LYST: variants seen among roughly 807,000 people sequenced by gnomAD.
The protein encoded by LYST is lysosomal-trafficking regulator.
In LYST, 192 loss-of-function variants were observed where a neutral mutation model predicts 413.6. The observed-to-expected ratio is 0.46, with a 90% CI of 0.41 to 0.52. The LOEUF is 0.52. Among genes scored for constraint, LYST ranks in the 20% least tolerant of loss-of-function variants. LYST has a pLI of 0.00. For synonymous variants in LYST, 1,525 were observed against 1,567.3 expected (o/e 0.97, Z 0.64); for missense variants, 3,815 against 4,499.9 (o/e 0.85, Z 4.35).
At chr1:235,717,558 C>T (rs1662955952) in intron 40 of LYST, among the ~76,000 whole-genome samples, 1 of 152,160 alleles carries the variant, frequency 6.6e-6, no homozygotes, top group African/African-American at 2.4e-5. Context: ...TGAAGAAGGG[C>T]AGGCTCTTTT....
intron 1 of LYST, among the ~76,000 whole-genome samples, chr1:235,853,959 G>A (rs1379174755): frequency 6.6e-6 from 1 of 152,068 alleles, no homozygotes; most frequent in East Asian, 1.9e-4. Context: ...CTGAGATATT[G>A]TAGCTATAGA....
intron 50 of LYST, among the ~76,000 whole-genome samples, chr1:235,673,854 A>C (rs74148742): frequency 0.055 from 8,369 of 152,302 alleles, 783 homozygotes; most frequent in African/African-American, 0.19. Flanking sequence ...AGCCATAACA[A>C]CTGGGTACCA....
chr1:235,792,398 T>G (rs1671100435), intron 11 of LYST, among the ~76,000 whole-genome samples: 1 of 151,890 alleles, frequency 6.6e-6, no homozygotes, highest in East Asian at 1.9e-4. Context: ...CACTGCAACC[T>G]CCGCCTCCCA....
intron 4 of LYST, 63 bp from the exon 5 acceptor site, chr1:235,810,597 T>C (rs1223578516): frequency 7.1e-7 from 1 of 1,414,856 alleles, no homozygotes; most frequent in African/African-American, 1.4e-5. Flanking sequence ...AATTTTAAGG[T>C]GACAGCCCTC....
At position 235,809,548 on chromosome 1, in the gene LYST, A is replaced by G; in HGVS notation, c.1270T>C (p.Phe424Leu). ...CCLQSAASNP[F>L]YFSQAMDLVQ... is the part of the protein sequence containing the mutation. ...AAATCCATGGCTTGACTGAAGTAGA[A>G]GGGATTTGAAGCTGCACTTTGAAGA... Residue 424 changes from phenylalanine to leucine, a missense_variant, in exon 5 of 53, where the codon TTC (phenylalanine) becomes CTC (leucine). Phe to Leu is a conservative substitution (Grantham distance 22). Around this residue, in one of 4 missense-constraint regions of LYST, gnomAD observed 1,648 missense variants for 1,810.3 expected, o/e 0.91. Transcript: ENST00000389793. This position sits in a 1 kb window ranked among gnomAD's most constrained non-coding sequence, Gnocchi z 4.0. 3 of 1,614,084 alleles carry G rather than the reference A, an allele frequency of 1.9e-6. No homozygotes were observed. Among genetic ancestry groups the G allele is most frequent in the Non-Finnish European group, 2.5e-6 (3 of 1,179,972 alleles).
chr1:235,860,424 T>C (rs1679729887), intron 1 of LYST, among the ~76,000 whole-genome samples: 1 of 152,218 alleles, frequency 6.6e-6, no homozygotes, highest in African/African-American at 2.4e-5. Flanking sequence ...TCGACAAATG[T>C]ATAATAACAT....
At position 235,702,825 on chromosome 1, in the gene LYST, C is replaced by A; in HGVS notation, c.10296G>T (p.Glu3432Asp). 1 of 1,614,188 alleles carries A rather than the reference C, an allele frequency of 6.2e-7. No homozygotes were observed. Among genetic ancestry groups the A allele is most frequent in the Non-Finnish European group, 8.5e-7 (1 of 1,180,030 alleles). ...RPGAKLNIEGELPAAVGLLVQ... is the reference protein window; with the variant it reads ...RPGAKLNIEGDLPAAVGLLVQ... ...CTAGCAACCCCACAGCAGCTGGAAG[C>A]TCTCCTTCAATATTGAGCTTGGCTC... The change falls in exon 45 of 53, where the codon GAG becomes GAT. Residue 3432 changes from glutamate to aspartate, a missense_variant. Physicochemically the swap from Glu to Asp is conservative, Grantham distance 45. This residue lies in a region of LYST where 866 missense variants were observed against 1,156.0 expected (regional missense o/e 0.75). Coordinates refer to ENST00000389793, the MANE Select transcript of LYST (RefSeq NM_000081.4).
Position 235,757,228 on chromosome 1 carries a change from C to T in LYST, c.7059+53G>A, listed in dbSNP as rs1158892818. The T allele has an allele frequency of 2.4e-6, 3 of 1,248,168 alleles. 1 individual carries two copies. The South Asian group carries it at 4.2e-5, about 17-fold the overall frequency. 77.3% of individuals were successfully genotyped at this position (1,248,168 alleles called of 1,614,324 possible). On this transcript the variant is annotated intron_variant, in intron 24 of 52. Coordinates refer to ENST00000389793, the MANE Select transcript of LYST (RefSeq NM_000081.4). ...TGTATATACTCAAAATTTTAAATTA[C>T]ATATATATTTATTTTTCTGAATTAA...
chr1:235,692,312 G>A lies in LYST; in HGVS notation c.10701+1038C>T, dbSNP rs576713659. ...CACACCACTGTACTCCAGCCTGGGCGATGGAGCGAGACTTCATCTCATAAC... is the reference window on the plus strand; with the variant it reads ...CACACCACTGTACTCCAGCCTGGGCAATGGAGCGAGACTTCATCTCATAAC... On this transcript the variant is annotated intron_variant, in intron 47 of 52. Transcript: ENST00000389793. 8.6e-5 allele frequency among the ~76,000 whole-genome samples: 13 copies of A among 151,286 alleles called. No individual in the cohort carries two copies. The East Asian group carries it at 2.6e-3, about 31-fold the overall frequency.
chr1:235,782,719 C>T (rs979708721), intron 14 of LYST, among the ~76,000 whole-genome samples: 1 of 152,158 alleles, frequency 6.6e-6, no homozygotes, highest in African/African-American at 2.4e-5. Flanking sequence ...ACCACCTCCC[C>T]TTAATTTTGC....
At chr1:235,748,776 T>C (rs892395370) in intron 28 of LYST, among the ~76,000 whole-genome samples, 1 of 152,180 alleles carries the variant, frequency 6.6e-6, no homozygotes, top group African/African-American at 2.4e-5. Context: ...AAGGTCTAGA[T>C]GTAATGACGG....
chr1:235,687,053 A>C lies in LYST; in HGVS notation c.10702-6T>G. On this transcript the variant is annotated splice_region_variant and splice_polypyrimidine_tract_variant and intron_variant, in intron 47 of 52. Transcript: ENST00000389793. ...ACCCAAGCACAACTAGTCACCTTTG[A>C]AAAAGGACCAATCAAAGATTATCAT... The C allele has an allele frequency of 6.4e-7, 1 of 1,572,400 alleles. No individual in the cohort carries two copies. The highest frequency in any genetic ancestry group is 1.7e-5 in the Admixed American group (1 of 59,976).
Position 235,808,678 on chromosome 1 carries a change from G to A in LYST, c.2140C>T (p.His714Tyr). ...DRLHSIQIAN[H>Y]ICNLIQKGNI... Reference sequence around the variant, plus strand: ...CCTTTCTGGATTAAATTGCAAATGTGATTTGCAATCTGTATACTATGTAAT... The same window carrying A: ...CCTTTCTGGATTAAATTGCAAATGTAATTTGCAATCTGTATACTATGTAAT... The change falls in exon 5 of 53, where the codon CAC becomes TAC. Residue 714 changes from histidine to tyrosine, a missense_variant. Transcript: ENST00000389793. 6.2e-7 allele frequency: 1 copy of A among 1,611,622 alleles called. No homozygotes were observed. Among genetic ancestry groups the A allele is most frequent in the South Asian group, 1.1e-5 (1 of 91,034 alleles).
intron 44 of LYST, among the ~76,000 whole-genome samples, chr1:235,703,346 G>C (rs1345893646): frequency 8.5e-5 from 13 of 152,190 alleles, no homozygotes; most frequent in Non-Finnish European, 1.5e-5. Flanking sequence ...GATAGTTGAA[G>C]AGATAATTAT....
chr1:235,845,204 A>G (rs1677672799), intron 1 of LYST, among the ~76,000 whole-genome samples: 1 of 152,174 alleles, frequency 6.6e-6, no homozygotes, highest in Admixed American at 6.5e-5. Flanking sequence ...CCTCTCCTGA[A>G]CACACACCCC....
At chr1:235,837,366 G>A (rs1176674069) in intron 1 of LYST, among the ~76,000 whole-genome samples, 3 of 152,184 alleles carry the variant, frequency 2.0e-5, no homozygotes, top group African/African-American at 4.8e-5. Flanking sequence ...AGTGGCTCAA[G>A]CCTGTAATCA....
At chr1:235,774,462 T>C in intron 18 of LYST, among the ~76,000 whole-genome samples, 1 of 152,180 alleles carries the variant, frequency 6.6e-6, no homozygotes, top group East Asian at 1.9e-4. Flanking sequence ...TTTAAATATA[T>C]GATGATAGCG....
At chr1:235,687,274 T>C (rs1660293689) in intron 47 of LYST, among the ~76,000 whole-genome samples, 1 of 152,178 alleles carries the variant, frequency 6.6e-6, no homozygotes, top group Admixed American at 6.5e-5. Context: ...AATTAAAATA[T>C]ATTATAATGC....
chr1:235,752,979 T>C (rs1020280741), intron 26 of LYST, 65 bp downstream of exon 26: 6 of 871,682 alleles, frequency 6.9e-6, no homozygotes, highest in African/African-American at 3.4e-5. Flanking sequence ...AGTAAACTAA[T>C]ACTAAAGTTT....
Sources: gnomAD v4.1 joint callset for allele counts (sites outside exome capture counted in the v4.1 genomes callset) on GRCh38, gnomAD v4.1.1 for gene constraint, gnomAD v4.1.1 regional missense constraint, Gnocchi (gnomAD v3.1) non-coding constraint, MANE v1.5 for transcripts, NCBI Gene and HGNC (gene_info 2026-07-23, HGNC 2026-07-21) for gene names.